Variants in ITPRID1 observed in about 807,000 individuals in gnomAD.
The protein encoded by ITPRID1 is protein ITPRID1.
ITPRID1 carries 96 observed loss-of-function variants against 95.4 expected under a neutral mutation model. The observed-to-expected ratio is 1.01, with a 90% CI of 0.85 to 1.19. ITPRID1 has a LOEUF of 1.19. Among genes scored for constraint, ITPRID1 ranks in the 50% most tolerant of loss-of-function variants. The pLI is 0.00. For synonymous variants in ITPRID1, 510 were observed against 453.6 expected (o/e 1.12, Z -1.58); for missense variants, 1,339 against 1,252.9 (o/e 1.07, Z -1.04).
intron 5 of ITPRID1, among the ~76,000 whole-genome samples, chr7:31,563,951 C>T (rs866993283): frequency 1.3e-5 from 2 of 152,222 alleles, no homozygotes; most frequent in South Asian, 2.1e-4. Flanking sequence ...CTGACTGCCT[C>T]TACTAAGTGT....
At chr7:31,640,118 T>C (rs1360770444) in intron 10 of ITPRID1, among the ~76,000 whole-genome samples, 1 of 152,224 alleles carries the variant, frequency 6.6e-6, no homozygotes, top group Non-Finnish European at 1.5e-5. Context: ...TAAGGCTCAT[T>C]AGGTGGGACC....
chr7:31,550,051 T>C (rs571310345), intron 2 of ITPRID1, among the ~76,000 whole-genome samples: 1 of 152,310 alleles, frequency 6.6e-6, no homozygotes, highest in South Asian at 2.1e-4. Context: ...AGAATTAATG[T>C]AACAGAGCCA....
At chr7:31,591,997 A>G (rs1785886360) in intron 10 of ITPRID1, among the ~76,000 whole-genome samples, 1 of 152,208 alleles carries the variant, frequency 6.6e-6, no homozygotes, top group African/African-American at 2.4e-5. Context: ...ACTTACAAAG[A>G]GAAAAAAATT....
At chr7:31,557,262 A>G (rs1320210946) in intron 5 of ITPRID1, among the ~76,000 whole-genome samples, 1 of 152,012 alleles carries the variant, frequency 6.6e-6, no homozygotes, top group Non-Finnish European at 1.5e-5. Context: ...CTTATTAATC[A>G]CTTCTGAGGC....
At chr7:31,543,405 GGCCTTTTGAATATACT>G in intron 1 of ITPRID1, among the ~76,000 whole-genome samples, 1 of 151,884 alleles carries the variant, frequency 6.6e-6, no homozygotes, top group African/African-American at 2.4e-5. Flanking sequence ...GAAAACATAA[GGCCTTTTGAATATACT>G]CATAGCTTGC....
intron 5 of ITPRID1, among the ~76,000 whole-genome samples, chr7:31,566,465 G>T (rs969623661): frequency 1.3e-5 from 2 of 152,192 alleles, no homozygotes; most frequent in African/African-American, 4.8e-5. Flanking sequence ...AATGTTTTAG[G>T]TGAAAATGGG....
chr7:31,587,544 C>T (rs1222173803), intron 10 of ITPRID1, among the ~76,000 whole-genome samples: 1 of 145,560 alleles, frequency 6.9e-6, no homozygotes. Flanking sequence ...GAATCAATAT[C>T]GTGAAAATGG....
chr7:31,630,074 A>C (rs550026382), intron 10 of ITPRID1, among the ~76,000 whole-genome samples: 1 of 152,260 alleles, frequency 6.6e-6, no homozygotes, highest in Admixed American at 6.5e-5. Flanking sequence ...AATTGTCAAC[A>C]AATACTGATT....
chr7:31,584,809 AT>A (rs1785529485), intron 10 of ITPRID1, among the ~76,000 whole-genome samples: 1 of 152,264 alleles, frequency 6.6e-6, no homozygotes, highest in South Asian at 2.1e-4. Context: ...ATATGTATAC[AT>A]GCATTTTTTT....
At chr7:31,556,394 A>G (rs1322392680) in intron 5 of ITPRID1, among the ~76,000 whole-genome samples, 1 of 152,170 alleles carries the variant, frequency 6.6e-6, no homozygotes, top group Admixed American at 6.5e-5. Flanking sequence ...CCTGTGTGGT[A>G]GCATGGTTTG....
intron 4 of ITPRID1, 74 bp downstream of exon 4, chr7:31,554,597 G>A: frequency 6.3e-7 from 1 of 1,574,998 alleles, no homozygotes. Context: ...GTGTAACTCT[G>A]CCTGGGCAAG....
chr7:31,585,634 C>A (rs2128150875), intron 10 of ITPRID1, among the ~76,000 whole-genome samples: 1 of 152,224 alleles, frequency 6.6e-6, no homozygotes, highest in African/African-American at 2.4e-5. Flanking sequence ...GAGTCTACTG[C>A]AGAACTATAC....
chr7:31,525,196 G>A (rs890421534), intron 1 of ITPRID1, among the ~76,000 whole-genome samples: 12 of 152,206 alleles, frequency 7.9e-5, no homozygotes, highest in Middle Eastern at 3.2e-3. Context: ...ATCCTGAAAT[G>A]GAGACATGCC....
chr7:31,644,086 T>G, intron 12 of ITPRID1, 133 bp downstream of exon 12: 1 of 753,684 alleles, frequency 1.3e-6, no homozygotes, highest in South Asian at 1.9e-5. Flanking sequence ...TGAATAACAT[T>G]TGTAGAGTGC....
chr7:31,657,749 G>A (rs1791367636), downstream of ITPRID1, among the ~76,000 whole-genome samples: 1 of 151,440 alleles, frequency 6.6e-6, no homozygotes, highest in South Asian at 2.1e-4. Context: ...TCACATATTT[G>A]AAAATAAATG....
At chr7:31,577,356 G>T (rs1428710100) in intron 8 of ITPRID1, among the ~76,000 whole-genome samples, 1 of 152,306 alleles carries the variant, frequency 6.6e-6, no homozygotes, top group Non-Finnish European at 1.5e-5. Flanking sequence ...TCCAGTGAAT[G>T]GTTGACCTGG....
At chr7:31,632,322 C>T (rs188110627) in intron 10 of ITPRID1, among the ~76,000 whole-genome samples, 37 of 152,222 alleles carry the variant, frequency 2.4e-4, no homozygotes, top group African/African-American at 8.4e-4. Context: ...GTGGCACGTG[C>T]CTGTAGTCCC....
intron 7 of ITPRID1, among the ~76,000 whole-genome samples, chr7:31,573,193 T>C (rs760494087): frequency 2.0e-5 from 3 of 152,186 alleles, no homozygotes; most frequent in Non-Finnish European, 4.4e-5. Flanking sequence ...AATATTAACT[T>C]ATTGTGATTT....
intron 7 of ITPRID1, among the ~76,000 whole-genome samples, chr7:31,572,707 T>TA (rs1222057540): frequency 6.6e-6 from 1 of 152,172 alleles, no homozygotes; most frequent in Non-Finnish European, 1.5e-5. Context: ...AAAAATTTTT[T>TA]AACAAAGTCA....
Sources: allele counts gnomAD v4.1 joint callset (sites outside exome capture counted in the v4.1 genomes callset), GRCh38; gene constraint gnomAD v4.1.1; transcripts MANE v1.5; gene names NCBI Gene and HGNC (gene_info 2026-07-23, HGNC 2026-07-21).